CSMD2: variants seen among roughly 807,000 people sequenced by gnomAD.
CSMD2 encodes the protein CUB and Sushi multiple domains 2, also known as CUB and sushi domain-containing protein 2.
In CSMD2, 130 loss-of-function variants were observed where a neutral mutation model predicts 398.5. The observed-to-expected ratio is 0.33, with a 90% CI of 0.28 to 0.38. The LOEUF (loss-of-function observed/expected upper bound fraction) is 0.38, where lower values mean the gene tolerates loss of function less well. Ranked by LOEUF, CSMD2 falls within the 10% of genes least tolerant of loss-of-function variation. The pLI is 1.00. For missense variants in CSMD2, 3,829 were observed against 4,764.9 expected, an observed-to-expected ratio of 0.80 and a Z score of 5.78; for synonymous variants, 1,828 against 1,908.5, an observed-to-expected ratio of 0.96 and a Z score of 1.10.
chr1:34,125,350 G>T (rs1001217901), intron 1 of CSMD2, among the ~76,000 whole-genome samples: 1 of 152,182 alleles, frequency 6.6e-6, no homozygotes, highest in Non-Finnish European at 1.5e-5. Flanking sequence ...CAACAACCAG[G>T]CTGGGAAGGT....
At chr1:33,835,595 A>G in intron 6 of CSMD2, among the ~76,000 whole-genome samples, 1 of 131,884 alleles carries the variant, frequency 7.6e-6, no homozygotes, top group Middle Eastern at 3.2e-3. Context: ...TGGCACATGT[A>G]TACATATGTA....
intron 3 of CSMD2, among the ~76,000 whole-genome samples, chr1:34,024,134 T>TA (rs1344300709): frequency 6.6e-6 from 1 of 152,224 alleles, no homozygotes; most frequent in Non-Finnish European, 1.5e-5. Flanking sequence ...CTTACTTCTC[T>TA]CCCAACATTT....
intron 47 of CSMD2, among the ~76,000 whole-genome samples, chr1:33,581,323 A>C (rs1638683892): frequency 6.9e-6 from 1 of 144,132 alleles, no homozygotes; most frequent in Non-Finnish European, 1.5e-5. Flanking sequence ...GGAGTTTGAG[A>C]CCAGCTTGGC....
At chr1:33,670,929 A>G (rs921768599) in intron 25 of CSMD2, among the ~76,000 whole-genome samples, 1 of 152,296 alleles carries the variant, frequency 6.6e-6, no homozygotes, top group African/African-American at 2.4e-5. Flanking sequence ...TGATATCTTT[A>G]TAAGAGAAAA....
intron 3 of CSMD2, among the ~76,000 whole-genome samples, chr1:34,002,391 AG>A (rs1646930556): frequency 6.6e-6 from 1 of 152,222 alleles, no homozygotes; most frequent in South Asian, 2.1e-4. Context: ...TGACAATGGC[AG>A]GGCCTAGTTC....
intron 5 of CSMD2, among the ~76,000 whole-genome samples, chr1:33,854,765 C>A (rs191271583): frequency 2.0e-5 from 3 of 152,220 alleles, no homozygotes; most frequent in Non-Finnish European, 4.4e-5. Flanking sequence ...CCCACAGAAA[C>A]CACATCAGGT....
At chr1:34,155,745 C>A (rs925333229) in intron 1 of CSMD2, among the ~76,000 whole-genome samples, 1 of 152,224 alleles carries the variant, frequency 6.6e-6, no homozygotes, top group Non-Finnish European at 1.5e-5. Context: ...GAGCCCTGGG[C>A]AGGATCTCCC....
Position 33,605,322 on chromosome 1 carries a change from G to T in CSMD2, c.6492C>A (p.Gly2164=). 2 of 1,614,176 alleles carry T rather than the reference G, an allele frequency of 1.2e-6. No individual in the cohort carries two copies. Among genetic ancestry groups the T allele is most frequent in the Non-Finnish European group, 1.7e-6 (2 of 1,180,026 alleles). ...TGHPVLTCQH[G]TNRNWDHPLP... ...GGGGGTGGTCCCAGTTCCGGTTGGT[G>T]CCATGTTGACACGTGAGGACAGGGT... Residue 2164 remains glycine (G), a synonymous_variant, in exon 42 of 71, where the codon GGC becomes GGA. Coordinates refer to ENST00000373381, the MANE Select transcript of CSMD2 (RefSeq NM_001281956.2).
At chr1:33,622,983 T>C (rs1387749551) in intron 36 of CSMD2, among the ~76,000 whole-genome samples, 11 of 152,224 alleles carry the variant, frequency 7.2e-5, no homozygotes. Context: ...TGAACCATAC[T>C]GTGACTGGGG....
intron 22 of CSMD2, among the ~76,000 whole-genome samples, chr1:33,706,893 G>GTGTGTGTGCACGTA (rs1645804805): frequency 6.6e-6 from 1 of 152,038 alleles, no homozygotes; most frequent in Non-Finnish European, 1.5e-5. Flanking sequence ...GTGTATGCGT[G>GTGTGTGTGCACGTA]TGTGTGTGCA....
At chr1:33,754,124 G>T (rs1366206122) in intron 13 of CSMD2, among the ~76,000 whole-genome samples, 1 of 152,130 alleles carries the variant, frequency 6.6e-6, no homozygotes, top group Admixed American at 6.5e-5. Flanking sequence ...GGGGAGCCAG[G>T]GACAGAATGA....
At chr1:33,637,833 A>G (rs1239422487) in intron 29 of CSMD2, among the ~76,000 whole-genome samples, 3 of 152,178 alleles carry the variant, frequency 2.0e-5, no homozygotes, top group African/African-American at 7.2e-5. Context: ...AGGAGGGAAG[A>G]ACCAGAATAG....
At chr1:33,734,921 T>TA (rs1459612761) in intron 15 of CSMD2, among the ~76,000 whole-genome samples, 1 of 152,248 alleles carries the variant, frequency 6.6e-6, no homozygotes, top group African/African-American at 2.4e-5. Context: ...GGGAGTTTAA[T>TA]TACTTTTATT....
intron 55 of CSMD2, among the ~76,000 whole-genome samples, chr1:33,554,184 C>G (rs1657736828): frequency 2.3e-5 from 3 of 131,318 alleles, no homozygotes; most frequent in South Asian, 2.5e-4. Flanking sequence ...GAAAAAACAG[C>G]CTTTTTTTTT....
chr1:34,088,726 G>A (rs914996160), intron 2 of CSMD2, among the ~76,000 whole-genome samples: 5 of 152,202 alleles, frequency 3.3e-5, no homozygotes, highest in African/African-American at 1.2e-4. Flanking sequence ...AAAAGAAAGA[G>A]CTGAATTTGT....
intron 6 of CSMD2, among the ~76,000 whole-genome samples, chr1:33,829,169 G>C (rs1054912297): frequency 1.3e-5 from 2 of 152,104 alleles, no homozygotes; most frequent in South Asian, 2.1e-4. Context: ...CTTTGGGCAA[G>C]GGTTCTGCAT....
intron 1 of CSMD2, among the ~76,000 whole-genome samples, chr1:34,134,080 A>G (rs112089421): frequency 8.0e-6 from 1 of 125,498 alleles, no homozygotes; most frequent in Non-Finnish European, 1.7e-5. Context: ...AAAAAAAAAT[A>G]CTGAGCAGCT....
At position 34,083,293 on chromosome 1, in the gene CSMD2, C is replaced by T. The variant is rs1156903600; in HGVS notation, c.404+5684G>A. ...CTGAGATGTAGGAAAGAGGGGCCCC[C>T]AAAGAATCTTCTAGCTCTCGCTCTT... On this transcript the variant is annotated intron_variant, in intron 2 of 70. Coordinates refer to ENST00000373381, the MANE Select transcript of CSMD2 (RefSeq NM_001281956.2). 2.6e-5 allele frequency among the ~76,000 whole-genome samples: 4 copies of T among 152,226 alleles called. No individual in the cohort carries two copies. In the East Asian group the frequency reaches 7.7e-4, roughly 29 times the overall value.
At chr1:34,010,087 C>T (rs1647197054) in intron 3 of CSMD2, among the ~76,000 whole-genome samples, 1 of 152,218 alleles carries the variant, frequency 6.6e-6, no homozygotes, top group South Asian at 2.1e-4. Flanking sequence ...CCTTAATATT[C>T]ATACAGGTCT....
Sources: gnomAD v4.1 joint callset for allele counts (sites outside exome capture counted in the v4.1 genomes callset) on GRCh38, gnomAD v4.1.1 for gene constraint, MANE v1.5 for transcripts, NCBI Gene and HGNC (gene_info 2026-07-23, HGNC 2026-07-21) for gene names.